Variants in ANKRD18B observed in about 807,000 individuals in gnomAD.
ANKRD18B encodes the protein ankyrin repeat domain 18B, also known as ankyrin repeat domain-containing protein 18B.
In ANKRD18B, 75 loss-of-function variants were observed where a neutral mutation model predicts 111.8. The observed-to-expected ratio is 0.67, with a 90% confidence interval of 0.56 to 0.81. The LOEUF (loss-of-function observed/expected upper bound fraction) is 0.81. Among genes scored for constraint, ANKRD18B ranks in the 40% least tolerant of loss-of-function variants. The probability of loss-of-function intolerance (pLI) is 0.00; values close to 1 mark genes in which losing one functional copy is unlikely to be tolerated. For synonymous variants in ANKRD18B, 356 were observed against 417.3 expected, an observed-to-expected ratio of 0.85 and a Z score of 1.79; for missense variants, 1,038 against 1,225.5, an observed-to-expected ratio of 0.85 and a Z score of 2.28.
chr9:33,529,847 G>A (rs1828085408), intron 3 of ANKRD18B, among the ~76,000 whole-genome samples: 2 of 152,112 alleles, frequency 1.3e-5, no homozygotes, highest in South Asian at 2.1e-4. Context: ...GTGAATATAC[G>A]GTGATGAAGT....
At chr9:33,570,287 G>A (rs1828750462) in intron 17 of ANKRD18B, among the ~76,000 whole-genome samples, 1 of 152,126 alleles carries the variant, frequency 6.6e-6, no homozygotes. Context: ...TAGACACCAG[G>A]AAATAAGAAT....
chr9:33,573,917 C>G (rs1266221685), downstream of ANKRD18B, among the ~76,000 whole-genome samples: 1 of 144,676 alleles, frequency 6.9e-6, no homozygotes, highest in Non-Finnish European at 1.6e-5. Context: ...CAGTGGGGAC[C>G]TGGTCAGTGG....
chr9:33,529,757 A>G (rs543036140), intron 3 of ANKRD18B, among the ~76,000 whole-genome samples: 50 of 152,290 alleles, frequency 3.3e-4, no homozygotes, highest in Non-Finnish European at 5.6e-4. Context: ...TGGGGTAATC[A>G]TTTTTGGTTT....
Position 33,547,570 on chromosome 9 carries a change from C to T in ANKRD18B, c.1150-368C>T, listed in dbSNP as rs568346728. On this transcript the variant is annotated intron_variant, in intron 10 of 18. Transcript: ENST00000684830. ...AGATATCAGAGTATAAATGCAATTTCCTTTTTCCAAGATTTTAATTTAGTC... is the reference window on the plus strand; with the variant it reads ...AGATATCAGAGTATAAATGCAATTTTCTTTTTCCAAGATTTTAATTTAGTC... 6.4e-3 allele frequency among the ~76,000 whole-genome samples: 979 copies of T among 151,992 alleles called. 8 individuals are homozygous for T. Among genetic ancestry groups the T allele is most frequent in the Non-Finnish European group, 8.1e-3 (550 of 67,942 alleles).
intron 1 of ANKRD18B, among the ~76,000 whole-genome samples, chr9:33,527,505 A>G (rs1228360176): frequency 1.3e-5 from 2 of 152,156 alleles, no homozygotes; most frequent in African/African-American, 2.4e-5. Flanking sequence ...TAGTTTTAGT[A>G]GAGACAGAGT....
chr9:33,534,321 A>C (rs1428835477), intron 4 of ANKRD18B, 49 bp from the exon 5 acceptor site: 3 of 1,495,488 alleles, frequency 2.0e-6, no homozygotes, highest in Non-Finnish European at 2.7e-6. Context: ...TTGCTAATTA[A>C]ATATCTTTAT....
At chr9:33,551,738 A>C (rs980463679) in intron 12 of ANKRD18B, among the ~76,000 whole-genome samples, 1 of 152,084 alleles carries the variant, frequency 6.6e-6, no homozygotes, top group Admixed American at 6.6e-5. Context: ...TTGTATGGAC[A>C]TATGTTTTTA....
intron 14 of ANKRD18B, among the ~76,000 whole-genome samples, chr9:33,565,731 C>G (rs1427799601): frequency 1.3e-5 from 2 of 152,122 alleles, no homozygotes; most frequent in Non-Finnish European, 1.5e-5. Context: ...CCACAGCCTC[C>G]TAAAGTGCTG....
chr9:33,566,979 C>T, intron 15 of ANKRD18B, 124 bp from the exon 16 acceptor site: 1 of 878,154 alleles, frequency 1.1e-6, no homozygotes, highest in Non-Finnish European at 1.7e-6. Context: ...ATATTTTAAG[C>T]TTCAGCCTCT....
rs1298107905 is a variant in ANKRD18B at position 33,558,067 on chromosome 9, A to T, written c.2340A>T (p.Lys780Asn). ...TCTTACATTTCTGCAGATATAAGAA[A>T]TGCCTAGAAATGACAATAAATATGT... ...ELEEEATGYK[K>N]CLEMTINMLN... Residue 780 changes from lysine to asparagine, a missense_variant, in exon 14 of 19, where the codon AAA becomes AAT. Lys to Asn is a moderately conservative substitution (Grantham distance 94). Coordinates refer to ENST00000684830, the MANE Select transcript of ANKRD18B (RefSeq NM_001393611.1). 6.3e-7 allele frequency: 1 copy of T among 1,598,166 alleles called. No individual in the cohort carries two copies. The highest frequency in any genetic ancestry group is 1.7e-5 in the Admixed American group (1 of 58,050).
At chr9:33,536,230 A>G (rs1013506069) in intron 5 of ANKRD18B, among the ~76,000 whole-genome samples, 4 of 152,208 alleles carry the variant, frequency 2.6e-5, no homozygotes, top group Non-Finnish European at 5.9e-5. Flanking sequence ...ATATATTTGT[A>G]TATAAATTTA....
chr9:33,561,309 T>C (rs1238120670), intron 14 of ANKRD18B, among the ~76,000 whole-genome samples: 7 of 152,260 alleles, frequency 4.6e-5, no homozygotes, highest in Admixed American at 2.0e-4. Flanking sequence ...CATCTATTAA[T>C]GTGCTTATTA....
chr9:33,548,509 C>G lies in ANKRD18B; in HGVS notation c.1721C>G (p.Ala574Gly), dbSNP rs756062577. 2.6e-6 allele frequency: 4 copies of G among 1,551,082 alleles called. No homozygotes were observed. In the South Asian group the frequency reaches 4.8e-5, roughly 18 times the overall value. ...TRDALREKTL[A>G]LESVQLDLKQ... ...GATGCTCTCAGGGAAAAGACATTGGCTTTAGAAAGTGTACAGCTGGACCTA... is the reference window on the plus strand; with the variant it reads ...GATGCTCTCAGGGAAAAGACATTGGGTTTAGAAAGTGTACAGCTGGACCTA... Residue 574 changes from alanine (A) to glycine (G), a missense_variant, in exon 11 of 19, where the codon GCT becomes GGT. By Grantham distance (60) the Ala-to-Gly change is moderately conservative. This residue lies in a region of ANKRD18B where 524 missense variants were observed against 677.9 expected (regional missense o/e 0.77). Transcript: ENST00000684830.
At position 33,524,441 on chromosome 9, in the gene ANKRD18B, A is replaced by G; in HGVS notation, c.-49A>G. The G allele has an allele frequency of 6.7e-7, 1 of 1,495,820 alleles. No homozygotes were observed. Among genetic ancestry groups the G allele is most frequent in the South Asian group, 1.3e-5 (1 of 75,788 alleles). The allele number at this position is 1,495,820 out of a possible 1,614,324, so 92.7% of individuals were successfully genotyped here. A position where few individuals can be genotyped will look rare whatever the true frequency, so the allele number is the denominator to read the frequency against. On this transcript the variant is annotated 5_prime_UTR_variant, in exon 1 of 19. Coordinates refer to ENST00000684830, the MANE Select transcript of ANKRD18B (RefSeq NM_001393611.1). ...GGGTGGGGGTGGAAAGGCCACGAGG[A>G]GCCGCGGCGTCTCAGGAGCGGGTGG... is the stretch of plus-strand genomic sequence containing the variant.
rs760567222 is a variant in ANKRD18B at position 33,548,691 on chromosome 9, C to T, written c.1903C>T (p.Arg635Cys). 2.3e-5 allele frequency: 36 copies of T among 1,550,664 alleles called. No individual in the cohort carries two copies. The highest frequency in any genetic ancestry group is 8.3e-5 in the South Asian group (7 of 83,982). Reference protein sequence around the residue: ...LLLERQLEDARKEGDNKEIVI... With the variant: ...LLLERQLEDACKEGDNKEIVI... ...GCTTGAACGACAACTAGAGGATGCT[C>T]GTAAGGAAGGTGATAATAAAGAGAT... The change falls in exon 11 of 19, where the codon CGT (arginine) becomes TGT (cysteine). Residue 635 changes from arginine (R) to cysteine (C), a missense_variant. By Grantham distance (180) the Arg-to-Cys change is radical (BLOSUM62 -3). Around this residue, in one of 4 missense-constraint regions of ANKRD18B, gnomAD observed 524 missense variants for 677.9 expected, o/e 0.77. Coordinates refer to ENST00000684830, the MANE Select transcript of ANKRD18B (RefSeq NM_001393611.1).
rs1328708121 is a variant in ANKRD18B at position 33,555,457 on chromosome 9, ACT to A, written c.2218-247_2218-246del. Among the ~76,000 whole-genome samples the A allele has an allele frequency of 2.6e-5, 4 of 152,230 alleles. No individual in the cohort carries two copies. In the East Asian group the frequency reaches 5.8e-4, roughly 22 times the overall value. ...AACCCTTAGTACTTTATGTGTAAAA[ACT>A]CTCATTTTTAACAAACATTTTTGGC... is the stretch of plus-strand genomic sequence containing the variant. On this transcript the variant is annotated intron_variant, in intron 12 of 18. Coordinates refer to ENST00000684830, the MANE Select transcript of ANKRD18B (RefSeq NM_001393611.1).
intron 2 of ANKRD18B, 63 bp downstream of exon 2, chr9:33,528,904 T>G (rs967274336): frequency 3.5e-5 from 55 of 1,560,716 alleles, no homozygotes; most frequent in Non-Finnish European, 4.6e-5. Flanking sequence ...TAAAATGAAT[T>G]TGTCTCATTT....
rs1315294219 is a variant in ANKRD18B, at chr9:33,572,328, T to G, written c.3236T>G (p.Leu1079Trp). ...TTTTTCTTTCCAGCTTTTGCTGCGT[T>G]GGGCCCTTGCTCCTATCTACTTTCT... ...ITETKKTFAA[L>W]GPCSYLLSSL... The change falls in exon 19 of 19, where the codon TTG (leucine) becomes TGG (tryptophan). Residue 1079 changes from leucine (L) to tryptophan (W), a missense_variant. Around this residue, in one of 4 missense-constraint regions of ANKRD18B, gnomAD observed 524 missense variants for 677.9 expected, o/e 0.77. Coordinates refer to ENST00000684830, the MANE Select transcript of ANKRD18B (RefSeq NM_001393611.1). The G allele has an allele frequency of 6.2e-7, 1 of 1,611,232 alleles. No individual in the cohort carries two copies. The highest frequency in any genetic ancestry group is 1.1e-5 in the South Asian group (1 of 90,976).
At chr9:33,530,358 C>T (rs1828092641) in intron 3 of ANKRD18B, among the ~76,000 whole-genome samples, 1 of 152,096 alleles carries the variant, frequency 6.6e-6, no homozygotes, top group South Asian at 2.1e-4. Flanking sequence ...GTAGTCCCAG[C>T]TACTCAGGAG....
Sources: gnomAD v4.1 joint callset for allele counts (sites outside exome capture counted in the v4.1 genomes callset) on GRCh38, gnomAD v4.1.1 for gene constraint, gnomAD v4.1.1 regional missense constraint, MANE v1.5 for transcripts, NCBI Gene and HGNC (gene_info 2026-07-23, HGNC 2026-07-21) for gene names.